Variants in EBF1 observed in about 807,000 individuals in gnomAD.
EBF1 encodes transcription factor COE1.
Under a neutral mutation model 68.4 loss-of-function variants are expected in EBF1, and 10 were observed. The ratio of observed to expected loss-of-function variants is 0.15; its 90% CI spans 0.09 to 0.25. The LOEUF is 0.25. Ranked by LOEUF, EBF1 falls within the 10% of genes least tolerant of loss-of-function variation. The pLI, the probability that EBF1 is intolerant of heterozygous loss-of-function variation, is 1.00. For synonymous variants in EBF1, 298 were observed against 299.8 expected (o/e 0.99, Z 0.06); for missense variants, 509 against 794.4 (o/e 0.64, Z 4.32).
intron 6 of EBF1, among the ~76,000 whole-genome samples, chr5:159,022,053 CG>C (rs1766793802): frequency 4.1e-5 from 1 of 24,492 alleles, no homozygotes. Flanking sequence ...TTTGTCAGCA[CG>C]ATAAAAAAAA....
At chr5:158,776,424 AT>A (rs1450865177) in intron 10 of EBF1, among the ~76,000 whole-genome samples, 2 of 152,172 alleles carry the variant, frequency 1.3e-5, no homozygotes, top group African/African-American at 2.4e-5. Context: ...GAAAAATAAA[AT>A]TCGTCCACTT....
chr5:159,065,002 G>A (rs1243812292), intron 6 of EBF1, among the ~76,000 whole-genome samples: 1 of 137,112 alleles, frequency 7.3e-6, no homozygotes, highest in African/African-American at 2.7e-5. Flanking sequence ...CAGGTCCATA[G>A]TTCTTCAAAT....
Position 158,920,224 on chromosome 5 carries a change from CA to C in EBF1, c.555-80115del, listed in dbSNP as rs533919405. Among the ~76,000 whole-genome samples the C allele has an allele frequency of 3.2e-3, 487 of 152,182 alleles. 3 individuals are homozygous for C. Among genetic ancestry groups the C allele is most frequent in the African/African-American group, 0.011 (462 of 41,504 alleles). ...AATGTAATCTTCTTAACAATCCTAT[CA>C]GGTATCATGATTGAGGTGAGGATGC... On this transcript the variant is annotated intron_variant, in intron 6 of 15. Transcript: ENST00000313708.
chr5:158,969,848 GAA>G (rs1491190212), intron 6 of EBF1, among the ~76,000 whole-genome samples: 1 of 34,012 alleles, frequency 2.9e-5, no homozygotes, highest in African/African-American at 1.1e-4. Flanking sequence ...GAAAGAGAAA[GAA>G]AGAAAGAAAG....
chr5:158,713,857 A>G (rs895711945), intron 12 of EBF1, among the ~76,000 whole-genome samples: 20 of 152,236 alleles, frequency 1.3e-4, no homozygotes, highest in African/African-American at 4.8e-4. Context: ...CTCCTCTTCA[A>G]TTAGGAAGTA....
chr5:158,757,076 G>A (rs1176479807), intron 10 of EBF1, among the ~76,000 whole-genome samples: 1 of 152,040 alleles, frequency 6.6e-6, no homozygotes, highest in African/African-American at 2.4e-5. Flanking sequence ...GGCTAAATTG[G>A]AACAATGCTT....
chr5:159,060,334 A>T (rs968941130), intron 6 of EBF1, among the ~76,000 whole-genome samples: 3 of 152,230 alleles, frequency 2.0e-5, no homozygotes, highest in African/African-American at 7.2e-5. Flanking sequence ...ATAATTTTTA[A>T]AAGCCACATA....
At chr5:158,760,297 C>G (rs1348371351) in intron 10 of EBF1, among the ~76,000 whole-genome samples, 1 of 152,118 alleles carries the variant, frequency 6.6e-6, no homozygotes, top group Non-Finnish European at 1.5e-5. Context: ...TTTTCCATGG[C>G]CCAACGTGGC....
At chr5:158,939,127 G>A (rs1812705659) in intron 6 of EBF1, among the ~76,000 whole-genome samples, 1 of 152,218 alleles carries the variant, frequency 6.6e-6, no homozygotes, top group Non-Finnish European at 1.5e-5. Flanking sequence ...CACATTAAAT[G>A]GAGCCCGTGG....
intron 6 of EBF1, among the ~76,000 whole-genome samples, chr5:158,843,168 G>T (rs186351359): frequency 8.5e-4 from 130 of 152,252 alleles, no homozygotes; most frequent in Admixed American, 5.4e-3. Flanking sequence ...CTTCCCCAGG[G>T]TTGGTAATAT....
intron 6 of EBF1, among the ~76,000 whole-genome samples, chr5:158,970,725 T>C (rs1432798495): frequency 6.6e-6 from 1 of 152,208 alleles, no homozygotes; most frequent in Non-Finnish European, 1.5e-5. Flanking sequence ...CTCAAAATCC[T>C]GTATGTCTGT....
At chr5:158,764,847 A>T (rs929589546) in intron 10 of EBF1, among the ~76,000 whole-genome samples, 1 of 152,210 alleles carries the variant, frequency 6.6e-6, no homozygotes, top group East Asian at 1.9e-4. Flanking sequence ...CAGATCTGAT[A>T]TCAGACCCAT....
intron 6 of EBF1, among the ~76,000 whole-genome samples, chr5:158,906,852 TC>T (rs1428648354): frequency 6.6e-6 from 1 of 152,210 alleles, no homozygotes; most frequent in African/African-American, 2.4e-5. Flanking sequence ...GGAGACACAG[TC>T]CCTGCTCTCA....
At chr5:158,995,461 C>T (rs541838836) in intron 6 of EBF1, among the ~76,000 whole-genome samples, 5 of 152,252 alleles carry the variant, frequency 3.3e-5, no homozygotes, top group South Asian at 4.1e-4. Flanking sequence ...TGTCAGGATT[C>T]GGTGACTATA....
chr5:158,775,769 CACACATGCACACAG>C (rs1487530771), intron 10 of EBF1, among the ~76,000 whole-genome samples: 5 of 131,880 alleles, frequency 3.8e-5, no homozygotes, highest in African/African-American at 1.2e-4. Context: ...CACACACACA[CACACATGCACACAG>C]ACACACACAC....
chr5:158,717,750 G>A (rs147486983), intron 11 of EBF1, among the ~76,000 whole-genome samples: 146 of 151,952 alleles, frequency 9.6e-4, no homozygotes, highest in African/African-American at 3.4e-3. Context: ...TACATTCTGA[G>A]TCAGACAATT....
In EBF1 at chr5:159,055,880, C is replaced by T. The variant is rs535360133; in HGVS notation, c.554+17516G>A. Among the ~76,000 whole-genome samples the T allele has an allele frequency of 9.2e-5, 14 of 152,256 alleles. No individual in the cohort carries two copies. The South Asian group carries it at 2.9e-3, about 32-fold the overall frequency. Reference sequence around the variant, plus strand: ...CCCCAATCTGGGATTGGGGGTACAACTTATTTTATATAGTAGATGCTTCAC... The same window carrying T: ...CCCCAATCTGGGATTGGGGGTACAATTTATTTTATATAGTAGATGCTTCAC... On this transcript the variant is annotated intron_variant, in intron 6 of 15. Coordinates refer to ENST00000313708, the MANE Select transcript of EBF1 (RefSeq NM_024007.5).
chr5:158,707,911 G>C, intron 15 of EBF1, 68 bp downstream of exon 15: 2 of 1,501,624 alleles, frequency 1.3e-6, no homozygotes, highest in African/African-American at 1.4e-5. Context: ...TGATGCATCT[G>C]CTTCAGGCCC....
chr5:159,049,706 G>C (rs557151140), intron 6 of EBF1, among the ~76,000 whole-genome samples: 27 of 152,234 alleles, frequency 1.8e-4, no homozygotes, highest in Non-Finnish European at 3.5e-4. Flanking sequence ...TAAGATAGTT[G>C]GTTCTTCAGA....
Sources: gnomAD v4.1 joint callset for allele counts (sites outside exome capture counted in the v4.1 genomes callset) on GRCh38, gnomAD v4.1.1 for gene constraint, MANE v1.5 for transcripts, NCBI Gene and HGNC (gene_info 2026-07-23, HGNC 2026-07-21) for gene names.